The following SYCP1 variants were observed in gnomAD, a reference collection of about 807,000 sequenced individuals.
SYCP1 encodes cancer/testis antigen 8.
SYCP1 carries 64 observed loss-of-function variants against 153.1 expected under a neutral mutation model. The ratio of observed to expected loss-of-function variants is 0.42; its 90% CI spans 0.34 to 0.51. The LOEUF (loss-of-function observed/expected upper bound fraction) is 0.51, where lower values mean the gene tolerates loss of function less well. SYCP1 is among the 20% of genes least tolerant of loss of function. SYCP1 has a pLI of 0.06. For missense variants in SYCP1, 997 were observed against 1,049.0 expected (o/e 0.95, Z 0.68); for synonymous variants, 384 against 341.8 (o/e 1.12, Z -1.36).
intron 12 of SYCP1, among the ~76,000 whole-genome samples, chr1:114,883,224 C>T (rs1666074870): frequency 6.6e-6 from 1 of 152,100 alleles, no homozygotes; most frequent in Admixed American, 6.5e-5. Flanking sequence ...ATCATTATCG[C>T]TTTGGAGTTT....
chr1:114,909,075 G>A (rs982482055), intron 16 of SYCP1, among the ~76,000 whole-genome samples: 17 of 152,242 alleles, frequency 1.1e-4, no homozygotes, highest in Middle Eastern at 3.4e-3. Context: ...AGCCTTTGGT[G>A]TACTACTTTT....
At chr1:114,873,309 G>A (rs1438153558) in intron 8 of SYCP1, among the ~76,000 whole-genome samples, 1 of 152,124 alleles carries the variant, frequency 6.6e-6, no homozygotes, top group African/African-American at 2.4e-5. Flanking sequence ...ATAGACCTAT[G>A]GTTAGGTCTC....
chr1:114,857,155 AAAGAGAAAAAAG>A, intron 3 of SYCP1, 65 bp from the exon 4 acceptor site: 4 of 982,820 alleles, frequency 4.1e-6, no homozygotes, highest in Non-Finnish European at 5.7e-6. Context: ...AAAAAAAAAA[AAAGAGAAAAAAG>A]AAAAAAAAAA....
chr1:114,857,323 C>G, intron 4 of SYCP1, 48 bp downstream of exon 4: 2 of 1,570,552 alleles, frequency 1.3e-6, no homozygotes, highest in Non-Finnish European at 8.7e-7. Context: ...AGGTAATGAA[C>G]TGCTTATTTG....
intron 27 of SYCP1, among the ~76,000 whole-genome samples, chr1:114,958,661 C>A (rs187305279): frequency 2.3e-3 from 347 of 151,534 alleles, no homozygotes; most frequent in African/African-American, 8.1e-3. Flanking sequence ...TGGCCCATGC[C>A]TGTAATCCCA....
intron 27 of SYCP1, among the ~76,000 whole-genome samples, chr1:114,956,358 G>T (rs1462751497): frequency 6.6e-6 from 1 of 152,172 alleles, no homozygotes; most frequent in Non-Finnish European, 1.5e-5. Flanking sequence ...AATGGGATAG[G>T]CATTCCAACC....
chr1:114,914,010 A>C lies in SYCP1; in HGVS notation c.1683A>C (p.Gln561His). The change falls in exon 20 of 32, where the codon CAA becomes CAC. Residue 561 changes from glutamine (Q) to histidine (H), a missense_variant. Physicochemically the swap from Gln to His is conservative, Grantham distance 24. Around this residue, in one of 2 missense-constraint regions of SYCP1, gnomAD observed 712 missense variants for 682.9 expected, o/e 1.04. Transcript: ENST00000369522. ...AGCAAGAAGAAAGGATGTTGAAACAAATAGAAAATCTTCAAGAAACAGAAA... is the reference window on the plus strand; with the variant it reads ...AGCAAGAAGAAAGGATGTTGAAACACATAGAAAATCTTCAAGAAACAGAAA... ...NKKQEERMLK[Q>H]IENLQETETQ... is the part of the protein sequence containing the mutation. 1.9e-6 allele frequency: 3 copies of C among 1,577,112 alleles called. No homozygotes were observed. The highest frequency in any genetic ancestry group is 1.7e-6 in the Non-Finnish European group (2 of 1,163,620).
At chr1:114,978,095 A>G (rs1202537978) in intron 28 of SYCP1, among the ~76,000 whole-genome samples, 3 of 151,586 alleles carry the variant, frequency 2.0e-5, no homozygotes, top group African/African-American at 7.3e-5. Flanking sequence ...TAAAAATAAT[A>G]TTTTTATTAT....
In SYCP1 at chr1:114,911,497, G is replaced by T; in HGVS notation, c.1444G>T (p.Glu482Ter). ...QAREKEVHDL[E>*]IQLTAITTSE... ...TTTGCAGAAAGAAGTACATGATTTG[G>T]AAATACAGTTAACTGCCATTACCAC... The change falls in exon 18 of 32, where the codon GAA becomes TAA. Residue 482 changes from glutamate (E) to a stop codon, truncating the protein, a stop_gained. Transcript: ENST00000369522. LOFTEE classifies it high-confidence loss of function. The T allele has an allele frequency of 6.4e-7, 1 of 1,554,086 alleles. No individual in the cohort carries two copies. Among genetic ancestry groups the T allele is most frequent in the Non-Finnish European group, 8.6e-7 (1 of 1,156,134 alleles).
intron 29 of SYCP1, 77 bp downstream of exon 29, chr1:114,981,589 G>A (rs867692752): frequency 3.8e-6 from 5 of 1,299,240 alleles, no homozygotes; most frequent in Admixed American, 2.5e-5. Context: ...CATATATCTG[G>A]CATCACGCAC....
chr1:114,912,707 G>A (rs896991409), intron 18 of SYCP1, among the ~76,000 whole-genome samples: 1 of 151,878 alleles, frequency 6.6e-6, no homozygotes, highest in Non-Finnish European at 1.5e-5. Flanking sequence ...TAATGGAGAG[G>A]AAAAAATTAT....
At chr1:114,900,180 T>A (rs1667331493) in intron 16 of SYCP1, among the ~76,000 whole-genome samples, 1 of 152,250 alleles carries the variant, frequency 6.6e-6, no homozygotes, top group Non-Finnish European at 1.5e-5. Flanking sequence ...AGATTAGTTT[T>A]TACAATCCTT....
chr1:114,879,563 T>C (rs1665774736), intron 12 of SYCP1, among the ~76,000 whole-genome samples: 1 of 152,184 alleles, frequency 6.6e-6, no homozygotes, highest in Non-Finnish European at 1.5e-5. Context: ...AGGAGTGTAT[T>C]GAGGAGGGAT....
intron 21 of SYCP1, 63 bp from the exon 22 acceptor site, chr1:114,926,215 T>C: frequency 1.1e-5 from 14 of 1,253,864 alleles, no homozygotes; most frequent in Non-Finnish European, 1.4e-5. Flanking sequence ...TTTATTAGTC[T>C]GAAATTGCCT....
At chr1:114,988,654 G>C (rs1044565371) in intron 30 of SYCP1, among the ~76,000 whole-genome samples, 2 of 151,902 alleles carry the variant, frequency 1.3e-5, no homozygotes. Context: ...TCTTCAAAAA[G>C]TACTAAAGGG....
intron 27 of SYCP1, among the ~76,000 whole-genome samples, chr1:114,949,837 A>G (rs915832912): frequency 3.3e-5 from 5 of 152,200 alleles, no homozygotes; most frequent in Non-Finnish European, 7.3e-5. Context: ...CCTTATTAAC[A>G]AATTTAAGGG....
chr1:114,976,257 C>A (rs1278810006), intron 27 of SYCP1, among the ~76,000 whole-genome samples: 1 of 151,668 alleles, frequency 6.6e-6, no homozygotes, highest in Non-Finnish European at 1.5e-5. Context: ...TTATTTAGAT[C>A]CAAAATTTGG....
chr1:114,965,690 A>G (rs1672073483), intron 27 of SYCP1, among the ~76,000 whole-genome samples: 1 of 151,954 alleles, frequency 6.6e-6, no homozygotes, highest in Non-Finnish European at 1.5e-5. Context: ...CCAGCGTTGC[A>G]TCCCAGGAAT....
rs563349950 is a variant in SYCP1, at chr1:114,932,976, G to A, written c.1926+6413G>A. Among the ~76,000 whole-genome samples the A allele has an allele frequency of 3.2e-3, 490 of 152,338 alleles. 1 individual carries two copies. Among genetic ancestry groups the A allele is most frequent in the Admixed American group, 1.0e-2 (153 of 15,306 alleles). On this transcript the variant is annotated intron_variant, in intron 23 of 31. Coordinates refer to ENST00000369522, the MANE Select transcript of SYCP1 (RefSeq NM_003176.4). The stretch of plus-strand genomic sequence containing the variant: ...TAGACTCCACCTCTGGGGGCAGGGC[G>A]TAGCTGAACACAAGGCAGCAGAAAC...
Sources: gnomAD v4.1 joint callset for allele counts (sites outside exome capture counted in the v4.1 genomes callset) on GRCh38, gnomAD v4.1.1 for gene constraint, gnomAD v4.1.1 regional missense constraint, MANE v1.5 for transcripts, NCBI Gene and HGNC (gene_info 2026-07-23, HGNC 2026-07-21) for gene names.